THAP10: variants seen among roughly 807,000 people sequenced by gnomAD.
THAP10 encodes the protein THAP domain-containing protein 10.
Under a neutral mutation model 15.7 loss-of-function variants are expected in THAP10, and 10 were observed. The observed-to-expected ratio is 0.64, with a 90% CI of 0.39 to 1.08. The LOEUF (loss-of-function observed/expected upper bound fraction) is 1.08, where lower values mean the gene tolerates loss of function less well. Ranked by LOEUF, THAP10 falls within the 50% of genes least tolerant of loss-of-function variation. The pLI is 0.01. For synonymous variants in THAP10, 127 were observed against 129.1 expected, an observed-to-expected ratio of 0.98 and a Z score of 0.11; for missense variants, 310 against 330.9, an observed-to-expected ratio of 0.94 and a Z score of 0.49.
chr15:70,888,880 C>T (rs1044466240), intron 1 of THAP10, among the ~76,000 whole-genome samples: 5 of 152,164 alleles, frequency 3.3e-5, no homozygotes, highest in Admixed American at 6.5e-5. Context: ...CATCAGTAAT[C>T]GGGGGATGAA....
chr15:70,884,258 C>A (rs2033344348), intron 1 of THAP10, among the ~76,000 whole-genome samples: 2 of 151,934 alleles, frequency 1.3e-5, no homozygotes, highest in Non-Finnish European at 2.9e-5. Context: ...AACTTTGTGG[C>A]CACACACAGT....
Position 70,882,806 on chromosome 15 carries a change from TA to T in THAP10, c.531del (p.His177GlnfsTer8), listed in dbSNP as rs776938799. 76 of 1,614,108 alleles carry T rather than the reference TA, an allele frequency of 4.7e-5. No homozygotes were observed. Among genetic ancestry groups the T allele is most frequent in the Non-Finnish European group, 6.3e-5 (74 of 1,180,036 alleles). On this transcript the variant is annotated frameshift_variant, in exon 2 of 3. Transcript: ENST00000249861. LOFTEE classifies it low-confidence loss of function (END_TRUNC). ...CTTTTCAAAGAAATTTGTGTACTTT[TA>T]TGCACTGGGCCTTCTTCACAGTGAG... Reference protein sequence around the residue: ...VPTHCEEGPVHKSTQISLKRP... With the variant: ...VPTHCEEGPVXKSTQISLKRP...
intron 1 of THAP10, among the ~76,000 whole-genome samples, chr15:70,886,817 G>A (rs2033420728): frequency 1.3e-5 from 2 of 151,932 alleles, no homozygotes; most frequent in African/African-American, 2.4e-5. Flanking sequence ...AGTGAGCTGA[G>A]ATTGCGCCAC....
In THAP10 at chr15:70,892,175, C is replaced by T. The variant is rs1335041736; in HGVS notation, c.98G>A (p.Trp33Ter). 6.2e-7 allele frequency: 1 copy of T among 1,611,234 alleles called. No homozygotes were observed. Among genetic ancestry groups the T allele is most frequent in the South Asian group, 1.1e-5 (1 of 90,536 alleles). ...GCGGCAACCCCGCACGAAGCGGTCCCAGAGCAGCCGCACGGCCCGGTCCTT... is the reference window on the plus strand; with the variant it reads ...GCGGCAACCCCGCACGAAGCGGTCCTAGAGCAGCCGCACGGCCCGGTCCTT... ...FPKDRAVRLL[W>*]DRFVRGCRAD... The change falls in exon 1 of 3, where the codon TGG becomes TAG. Residue 33 changes from tryptophan (W) to a stop codon, truncating the protein, a stop_gained. Coordinates refer to ENST00000249861, the MANE Select transcript of THAP10 (RefSeq NM_020147.4). LOFTEE classifies it high-confidence loss of function.
At chr15:70,890,946 CTCT>C (rs1477882631) in intron 1 of THAP10, among the ~76,000 whole-genome samples, 1 of 152,088 alleles carries the variant, frequency 6.6e-6, no homozygotes, top group Non-Finnish European at 1.5e-5. Flanking sequence ...AATAATTTTG[CTCT>C]TTATCTTAAT....
In THAP10 at chr15:70,891,870, C is replaced by A. The variant is rs1274297304; in HGVS notation, c.403G>T (p.Ala135Ser). The stretch of plus-strand genomic sequence containing the variant: ...TGTGAAGCTGCAGCCTGCTTCCCAG[C>A]TCGGGGGCGTGTACAGGAGACTGGA... ...PGPVSCTRPR[A>S]GKQAAASQIT... The change falls in exon 1 of 3, where the codon GCT becomes TCT. Residue 135 changes from alanine to serine, a missense_variant. By Grantham distance (99) the Ala-to-Ser change is moderately conservative. Coordinates refer to ENST00000249861, the MANE Select transcript of THAP10 (RefSeq NM_020147.4). 2.2e-5 allele frequency: 36 copies of A among 1,605,690 alleles called. No homozygotes were observed. The highest frequency in any genetic ancestry group is 3.1e-5 in the Non-Finnish European group (36 of 1,176,632).
rs1595978908 is a variant in THAP10 at position 70,882,758 on chromosome 15, T to A, written c.577+3A>T. 2.5e-6 allele frequency: 4 copies of A among 1,614,120 alleles called. No homozygotes were observed. The highest frequency in any genetic ancestry group is 2.2e-5 in the East Asian group (1 of 44,872). ...CTTAATCCATTGAAGAGTCAAAACA[T>A]ACCCACACTACGGTGACGGGGCCTT... On this transcript the variant is annotated splice_donor_region_variant and intron_variant, in intron 2 of 2. Coordinates refer to ENST00000249861, the MANE Select transcript of THAP10 (RefSeq NM_020147.4).
At chr15:70,887,427 C>T (rs1383582524) in intron 1 of THAP10, among the ~76,000 whole-genome samples, 1 of 151,956 alleles carries the variant, frequency 6.6e-6, no homozygotes, top group Non-Finnish European at 1.5e-5. Context: ...ACACTTTGAC[C>T]AAATTGAGTT....
At chr15:70,887,455 T>A (rs1039551599) in intron 1 of THAP10, among the ~76,000 whole-genome samples, 4 of 152,156 alleles carry the variant, frequency 2.6e-5, no homozygotes, top group African/African-American at 9.6e-5. Context: ...GCCATGCAAG[T>A]TTGACTCTAC....
rs2033613138 is a variant in THAP10, at chr15:70,892,273, G to T, written c.-1C>A. The T allele has an allele frequency of 6.4e-7, 1 of 1,563,186 alleles. No individual in the cohort carries two copies. The highest frequency in any genetic ancestry group is 2.4e-5 in the East Asian group (1 of 41,910). On this transcript the variant is annotated 5_prime_UTR_variant, in exon 1 of 3. Transcript: ENST00000249861. ...GGGCGGCCACACAACGGGCCGGCAT[G>T]GCGGCCGTCTTCGGTGCGCGGGAGC... is the stretch of plus-strand genomic sequence containing the variant.
At chr15:70,890,652 G>A (rs2033530810) in intron 1 of THAP10, among the ~76,000 whole-genome samples, 2 of 152,292 alleles carry the variant, frequency 1.3e-5, no homozygotes, top group South Asian at 4.1e-4. Context: ...CACGAAGAAT[G>A]AGAGTACATA....
chr15:70,883,661 T>G (rs2033326649), intron 1 of THAP10, among the ~76,000 whole-genome samples: 1 of 151,750 alleles, frequency 6.6e-6, no homozygotes, highest in African/African-American at 2.4e-5. Context: ...TTTTTTTTTT[T>G]TTTTGAGACA....
At chr15:70,886,615 C>A (rs1432432619) in intron 1 of THAP10, among the ~76,000 whole-genome samples, 1 of 152,124 alleles carries the variant, frequency 6.6e-6, no homozygotes, top group African/African-American at 2.4e-5. Context: ...CGCCTGTAAT[C>A]CCAGCACTTT....
chr15:70,881,859 T>C lies in THAP10; in HGVS notation c.*595A>G, dbSNP rs974403906. Reference sequence around the variant, plus strand: ...AGTATATGAAAACTCTATCTCTAAATTGATTCCTTTGAAAAATTTCTGTAA... The same window carrying C: ...AGTATATGAAAACTCTATCTCTAAACTGATTCCTTTGAAAAATTTCTGTAA... On this transcript the variant is annotated 3_prime_UTR_variant, in exon 3 of 3. Transcript: ENST00000249861. 3.3e-5 allele frequency: 5 copies of C among 152,222 alleles called. No individual in the cohort carries two copies. The highest frequency in any genetic ancestry group is 4.8e-5 in the African/African-American group (2 of 41,444). 9.4% of individuals were successfully genotyped at this position (152,222 alleles called of 1,614,324 possible).
intron 1 of THAP10, among the ~76,000 whole-genome samples, chr15:70,885,185 A>G (rs1464907626): frequency 6.6e-6 from 1 of 152,210 alleles, no homozygotes; most frequent in Non-Finnish European, 1.5e-5. Context: ...CTAGAACATG[A>G]GTCAAAAGAA....
chr15:70,882,519 C>A lies in THAP10; in HGVS notation c.709G>T (p.Asp237Tyr). The change falls in exon 3 of 3, where the codon GAT becomes TAT. Residue 237 changes from aspartate (D) to tyrosine (Y), a missense_variant. Coordinates refer to ENST00000249861, the MANE Select transcript of THAP10 (RefSeq NM_020147.4). The stretch of plus-strand genomic sequence containing the variant: ...AAATCACTCTGTTCACTCTTGATAT[C>A]CCAGTCTGTATCTGTTTCTGAATCA... ...SSDSETDTDWDIKSEQSDLSY... is the reference protein window; with the variant it reads ...SSDSETDTDWYIKSEQSDLSY... 1 of 1,613,822 alleles carries A rather than the reference C, an allele frequency of 6.2e-7. No individual in the cohort carries two copies. Among genetic ancestry groups the A allele is most frequent in the Non-Finnish European group, 8.5e-7 (1 of 1,179,854 alleles).
intron 1 of THAP10, 21 bp downstream of exon 1, chr15:70,891,823 C>T (rs1384325674): frequency 7.8e-6 from 12 of 1,536,728 alleles, no homozygotes; most frequent in Non-Finnish European, 1.0e-5. Context: ...CCTTACACAA[C>T]CTTCGGTGGT....
intron 1 of THAP10, among the ~76,000 whole-genome samples, chr15:70,888,680 A>C (rs1426956356): frequency 6.6e-6 from 1 of 152,184 alleles, no homozygotes; most frequent in Non-Finnish European, 1.5e-5. Context: ...ACCAAGAGGC[A>C]ACCCATAGTG....
chr15:70,892,316 C>T lies in THAP10; in HGVS notation c.-44G>A, dbSNP rs139121269. 1.9e-6 allele frequency: 3 copies of T among 1,550,038 alleles called. No individual in the cohort carries two copies. Among genetic ancestry groups the T allele is most frequent in the East Asian group, 2.4e-5 (1 of 40,946 alleles). The stretch of plus-strand genomic sequence containing the variant: ...GCGGGAGCCGGGTTCCCTGGACCTT[C>T]GCCCTTGGGCACGCTCCTCGCAGCG... On this transcript the variant is annotated 5_prime_UTR_variant, in exon 1 of 3. Transcript: ENST00000249861.
Sources: gnomAD v4.1 joint callset for allele counts (sites outside exome capture counted in the v4.1 genomes callset) on GRCh38, gnomAD v4.1.1 for gene constraint, MANE v1.5 for transcripts, NCBI Gene and HGNC (gene_info 2026-07-23, HGNC 2026-07-21) for gene names.